The following GMDS variants were observed in gnomAD, a reference collection of about 807,000 sequenced individuals.
The protein encoded by GMDS is GDP-mannose 4,6 dehydratase.
A neutral mutation model predicts 49.9 loss-of-function variants in GMDS; 20 were observed. The ratio of observed to expected loss-of-function variants is 0.40; its 90% CI spans 0.28 to 0.58. The LOEUF is 0.58. Among genes scored for constraint, GMDS ranks in the 20% least tolerant of loss-of-function variants. GMDS has a pLI of 0.42. For synonymous variants in GMDS, 177 were observed against 178.6 expected (o/e 0.99, Z 0.07); for missense variants, 362 against 481.4 (o/e 0.75, Z 2.32).
At chr6:1,754,416 C>T (rs997587986) in intron 7 of GMDS, among the ~76,000 whole-genome samples, 2 of 152,138 alleles carry the variant, frequency 1.3e-5, no homozygotes, top group Non-Finnish European at 2.9e-5. Context: ...AAGTCCAGGA[C>T]CAGATGGATT....
Position 1,859,184 on chromosome 6 carries a change from C to T in GMDS, c.771+70919G>A, listed in dbSNP as rs769162139. ...TGCAGCACTTACCCAGGAGTCTGAC[C>T]GTAGACATTGATACCTCACTGGAAA... On this transcript the variant is annotated intron_variant, in intron 7 of 10. Transcript: ENST00000380815. 6.6e-5 allele frequency among the ~76,000 whole-genome samples: 10 copies of T among 152,228 alleles called. No homozygotes were observed. In the East Asian group the frequency reaches 1.5e-3, roughly 24 times the overall value.
At chr6:1,969,393 A>C (rs1395365938) in intron 4 of GMDS, among the ~76,000 whole-genome samples, 1 of 151,908 alleles carries the variant, frequency 6.6e-6, no homozygotes, top group Non-Finnish European at 1.5e-5. Flanking sequence ...TAAATGAATT[A>C]AGGGAAGGTA....
rs1768367596 is a variant in GMDS at position 1,766,674 on chromosome 6, C to A, written c.772-24088G>T. Among the ~76,000 whole-genome samples the A allele has an allele frequency of 6.6e-6, 1 of 152,220 alleles. No homozygotes were observed. Among genetic ancestry groups the A allele is most frequent in the Non-Finnish European group, 1.5e-5 (1 of 68,042 alleles). On this transcript the variant is annotated intron_variant, in intron 7 of 10. Transcript: ENST00000380815. The surrounding 1 kb of genome is among the most constrained non-coding windows in gnomAD (Gnocchi z 4.5). The stretch of plus-strand genomic sequence containing the variant: ...CCCCTTCTAGAAGGCCCAGCAAGCG[C>A]CCCGTTTCCCACAGACGGTTCCCAC...
intron 4 of GMDS, among the ~76,000 whole-genome samples, chr6:2,114,913 T>C (rs1428146946): frequency 6.6e-6 from 1 of 152,056 alleles, no homozygotes; most frequent in East Asian, 1.9e-4. Flanking sequence ...AAAAACTTTC[T>C]GAAATAAGAC....
chr6:2,167,452 C>G (rs1352389101), intron 1 of GMDS, among the ~76,000 whole-genome samples: 1 of 152,158 alleles, frequency 6.6e-6, no homozygotes, highest in Non-Finnish European at 1.5e-5. Context: ...AATTCATTGT[C>G]TACCAGAACA....
At chr6:1,908,845 A>T (rs894769748) in intron 7 of GMDS, among the ~76,000 whole-genome samples, 6 of 152,208 alleles carry the variant, frequency 3.9e-5, no homozygotes, top group African/African-American at 1.4e-4. Flanking sequence ...TAAAAAATCA[A>T]GAGTTCTGCG....
At chr6:1,930,067 C>T (rs367601892) in intron 7 of GMDS, 36 bp downstream of exon 7, 39 of 1,565,808 alleles carry the variant, frequency 2.5e-5, no homozygotes, top group African/African-American at 5.4e-5. Context: ...TCAATGGATA[C>T]GGGTATTTTC....
chr6:1,793,329 T>G lies in GMDS; in HGVS notation c.772-50743A>C, dbSNP rs115486289. On this transcript the variant is annotated intron_variant, in intron 7 of 10. Transcript: ENST00000380815. ...CTGTTCTAGGGATAGAGATAGAGGT[T>G]AACATGAGCTTAAGAGTTCCAGCTC... Among the ~76,000 whole-genome samples the G allele has an allele frequency of 2.9e-3, 445 of 152,334 alleles. 2 individuals are homozygous for G. The highest frequency in any genetic ancestry group is 0.01 in the African/African-American group (432 of 41,570).
intron 7 of GMDS, among the ~76,000 whole-genome samples, chr6:1,907,675 G>C (rs6927686): frequency 0.07 from 10,696 of 152,292 alleles, 440 homozygotes; most frequent in South Asian, 0.17. Context: ...GTCGGACACA[G>C]AGCAAGCATG....
At chr6:2,158,342 G>A (rs1430783530) in intron 1 of GMDS, among the ~76,000 whole-genome samples, 1 of 152,122 alleles carries the variant, frequency 6.6e-6, no homozygotes, top group Non-Finnish European at 1.5e-5. Context: ...CTCTGGGAGG[G>A]ATTCCTTAAT....
chr6:1,932,442 G>A (rs1159196197), intron 6 of GMDS, among the ~76,000 whole-genome samples: 1 of 151,926 alleles, frequency 6.6e-6, no homozygotes, highest in Non-Finnish European at 1.5e-5. Flanking sequence ...TATATTACCA[G>A]AACTTTCATG....
chr6:1,821,402 G>A (rs1389939933), intron 7 of GMDS, among the ~76,000 whole-genome samples: 19 of 151,924 alleles, frequency 1.3e-4, no homozygotes, highest in Middle Eastern at 3.4e-3. Flanking sequence ...CGCTGTCGTG[G>A]GCTTTAGGGA....
At chr6:1,827,850 C>T (rs181871229) in intron 7 of GMDS, among the ~76,000 whole-genome samples, 4 of 152,114 alleles carry the variant, frequency 2.6e-5, no homozygotes, top group Admixed American at 2.6e-4. Flanking sequence ...TCCAAAGTTA[C>T]CACATTCTAA....
intron 1 of GMDS, among the ~76,000 whole-genome samples, chr6:2,132,978 T>C (rs1359453518): frequency 6.6e-6 from 1 of 152,170 alleles, no homozygotes; most frequent in Non-Finnish European, 1.5e-5. Flanking sequence ...TATTAAAAAA[T>C]TAAAACTGAT....
chr6:1,654,775 C>G (rs985770182), intron 9 of GMDS, among the ~76,000 whole-genome samples: 1 of 151,928 alleles, frequency 6.6e-6, no homozygotes, highest in African/African-American at 2.4e-5. Context: ...AAAAAATATC[C>G]CACTGGGCCA....
At chr6:2,135,963 A>G (rs1033337026) in intron 1 of GMDS, among the ~76,000 whole-genome samples, 2 of 152,222 alleles carry the variant, frequency 1.3e-5, no homozygotes, top group African/African-American at 4.8e-5. Context: ...GTATACTTGC[A>G]CAAACCTAGG....
chr6:2,198,407 A>T (rs234945), intron 1 of GMDS, among the ~76,000 whole-genome samples: 24,959 of 152,184 alleles, frequency 0.16, 4,764 homozygotes, highest in African/African-American at 0.46. Context: ...TTTGAGGAAC[A>T]TCCCATAAAC....
At chr6:1,911,309 C>T (rs990627671) in intron 7 of GMDS, among the ~76,000 whole-genome samples, 7 of 152,158 alleles carry the variant, frequency 4.6e-5, no homozygotes, top group African/African-American at 1.7e-4. Context: ...AGTCAGGCTA[C>T]ATCCCAAAAC....
intron 1 of GMDS, among the ~76,000 whole-genome samples, chr6:2,207,606 C>G (rs568264234): frequency 6.6e-6 from 1 of 152,108 alleles, no homozygotes; most frequent in African/African-American, 2.4e-5. Flanking sequence ...TGCCCATTAA[C>G]TTGTCTGCAT....
Sources: allele counts gnomAD v4.1 joint callset (sites outside exome capture counted in the v4.1 genomes callset), GRCh38; gene constraint gnomAD v4.1.1; non-coding constraint Gnocchi (gnomAD v3.1); transcripts MANE v1.5; gene names NCBI Gene and HGNC (gene_info 2026-07-23, HGNC 2026-07-21).